RANBP2: variants seen among roughly 807,000 people sequenced by gnomAD.
The protein encoded by RANBP2 is E3 SUMO-protein ligase RanBP2.
In RANBP2, 57 loss-of-function variants were observed where a neutral mutation model predicts 303.6. The observed-to-expected ratio is 0.19, with a 90% CI of 0.15 to 0.23. The LOEUF (loss-of-function observed/expected upper bound fraction) is 0.23. RANBP2 is among the 10% of genes least tolerant of loss of function. The pLI is 1.00. For synonymous variants in RANBP2, 1,167 were observed against 1,301.5 expected (o/e 0.90, Z 2.23); for missense variants, 3,138 against 3,780.8 (o/e 0.83, Z 4.46).
the RANBP2 span, among the ~76,000 whole-genome samples, chr2:108,837,951 G>A: frequency 7.1e-4 from 108 of 151,570 alleles, no homozygotes; most frequent in Non-Finnish European, 1.4e-3. Flanking sequence ...AGACACCAGA[G>A]TGGTCAGATG....
chr2:109,168,690 T>A, the RANBP2 span, among the ~76,000 whole-genome samples: 1 of 152,106 alleles, frequency 6.6e-6, no homozygotes, highest in Non-Finnish European at 1.5e-5. Context: ...AGTTCCCTTC[T>A]CTTGGGTCTG....
chr2:109,584,133 C>T, the RANBP2 span, among the ~76,000 whole-genome samples: 1 of 152,070 alleles, frequency 6.6e-6, no homozygotes, highest in South Asian at 2.1e-4. Context: ...TACCCCAAAT[C>T]TAAACGAAAA....
the RANBP2 span, among the ~76,000 whole-genome samples, chr2:108,975,149 G>C: frequency 1.3e-5 from 2 of 152,218 alleles, no homozygotes; most frequent in East Asian, 3.9e-4. Context: ...AGGGTCCAAA[G>C]GGGAGCAAAT....
At chr2:109,367,394 G>T in the RANBP2 span, among the ~76,000 whole-genome samples, 1 of 152,142 alleles carries the variant, frequency 6.6e-6, no homozygotes, top group Admixed American at 6.5e-5. Flanking sequence ...CAATTCTCCT[G>T]CCTCAGCCTC....
the RANBP2 span, among the ~76,000 whole-genome samples, chr2:109,136,220 G>A: frequency 6.6e-6 from 1 of 150,472 alleles, no homozygotes. Flanking sequence ...CTTTTTTGAG[G>A]TGCATTAAAA....
the RANBP2 span, among the ~76,000 whole-genome samples, chr2:108,829,991 A>G: frequency 6.7e-6 from 1 of 149,824 alleles, no homozygotes; most frequent in Non-Finnish European, 1.5e-5. Context: ...GCAAGATTAT[A>G]TATAATAAAA....
At chr2:109,642,197 A>G in the RANBP2 span, among the ~76,000 whole-genome samples, 1 of 152,178 alleles carries the variant, frequency 6.6e-6, no homozygotes, top group Non-Finnish European at 1.5e-5. Flanking sequence ...AAGTGCAATT[A>G]TAAGTGTGAG....
the RANBP2 span, among the ~76,000 whole-genome samples, chr2:109,685,926 C>CA: frequency 1.3e-5 from 2 of 151,874 alleles, no homozygotes; most frequent in South Asian, 2.1e-4. Context: ...AAAACCCCCC[C>CA]AAAAAACAAA....
At chr2:109,377,167 T>C in the RANBP2 span, among the ~76,000 whole-genome samples, 7 of 152,348 alleles carry the variant, frequency 4.6e-5, no homozygotes, top group South Asian at 1.4e-3. Context: ...CTGTTTCTAA[T>C]TGAGCAGCTT....
the RANBP2 span, among the ~76,000 whole-genome samples, chr2:109,155,437 G>C: frequency 2.6e-5 from 4 of 151,984 alleles, no homozygotes; most frequent in African/African-American, 7.2e-5. Flanking sequence ...CGAGTAGCTG[G>C]GACTACAGGC....
In RANBP2 at chr2:108,767,287, A is replaced by G. The variant is rs1558926474; in HGVS notation, c.6748A>G (p.Ser2250Gly). The change falls in exon 20 of 29, where the codon AGT becomes GGT. Residue 2250 changes from serine (S) to glycine (G), a missense_variant. Coordinates refer to ENST00000283195, the MANE Select transcript of RANBP2 (RefSeq NM_006267.5). The part of the protein sequence containing the change: ...SSSVHASPLA[S>G]SPVRKNLFRF... ...CTCAGTACATGCTTCTCCATTGGCA[A>G]GTAGCCCTGTGAGAAAAAATCTTTT... 2.5e-6 allele frequency: 4 copies of G among 1,612,056 alleles called. No homozygotes were observed. The highest frequency in any genetic ancestry group is 3.4e-6 in the Non-Finnish European group (4 of 1,179,860).
chr2:108,922,848 G>T, the RANBP2 span, among the ~76,000 whole-genome samples: 1 of 152,168 alleles, frequency 6.6e-6, no homozygotes, highest in Non-Finnish European at 1.5e-5. Context: ...GCCCATGAAA[G>T]CCAGAAAGGA....
the RANBP2 span, among the ~76,000 whole-genome samples, chr2:109,491,364 C>T: frequency 6.6e-6 from 1 of 152,154 alleles, no homozygotes; most frequent in African/African-American, 2.4e-5. Flanking sequence ...ACCCACTCGG[C>T]GTCTTAGAAT....
chr2:108,846,339 A>G, the RANBP2 span, among the ~76,000 whole-genome samples: 1 of 152,278 alleles, frequency 6.6e-6, no homozygotes, highest in East Asian at 1.9e-4. Flanking sequence ...TAAATTAGCC[A>G]CAGATTTCAC....
At chr2:108,936,835 G>A in the RANBP2 span, among the ~76,000 whole-genome samples, 2 of 152,230 alleles carry the variant, frequency 1.3e-5, no homozygotes, top group African/African-American at 4.8e-5. Context: ...CGGAGCAGGA[G>A]GAAAGCAGAG....
chr2:109,345,389 G>C, the RANBP2 span, among the ~76,000 whole-genome samples: 2 of 152,176 alleles, frequency 1.3e-5, no homozygotes, highest in Non-Finnish European at 2.9e-5. Context: ...AGTGCAGCGT[G>C]TAGGCAGGTG....
the RANBP2 span, among the ~76,000 whole-genome samples, chr2:109,192,263 C>T: frequency 2.0e-5 from 3 of 152,160 alleles, no homozygotes; most frequent in Non-Finnish European, 4.4e-5. Flanking sequence ...CACTGCAGCT[C>T]ATGGGATGTT....
the RANBP2 span, among the ~76,000 whole-genome samples, chr2:109,137,551 CCATCAAAGCA>C: frequency 2.0e-5 from 3 of 152,148 alleles, no homozygotes; most frequent in Non-Finnish European, 4.4e-5. Flanking sequence ...TTTTTGTTGG[CCATCAAAGCA>C]CACCACCTTA....
the RANBP2 span, among the ~76,000 whole-genome samples, chr2:109,584,852 T>G: frequency 6.6e-6 from 1 of 152,196 alleles, no homozygotes; most frequent in Non-Finnish European, 1.5e-5. Flanking sequence ...TACACTGAAT[T>G]TGCATGTCAG....
Sources: allele counts gnomAD v4.1 joint callset (sites outside exome capture counted in the v4.1 genomes callset), GRCh38; gene constraint gnomAD v4.1.1; transcripts MANE v1.5; gene names NCBI Gene and HGNC (gene_info 2026-07-23, HGNC 2026-07-21).